Variants in PTPRM observed in about 807,000 individuals in gnomAD.
The protein encoded by PTPRM is receptor-type tyrosine-protein phosphatase mu.
Under a neutral mutation model 186.7 loss-of-function variants are expected in PTPRM, and 47 were observed. The observed-to-expected ratio is 0.25, with a 90% CI of 0.20 to 0.32. PTPRM has a LOEUF of 0.32. PTPRM is among the 10% of genes least tolerant of loss of function. PTPRM has a pLI of 1.00. For missense variants in PTPRM, 1,494 were observed against 1,865.0 expected (o/e 0.80, Z 3.66); for synonymous variants, 668 against 674.9 (o/e 0.99, Z 0.16).
intron 7 of PTPRM, among the ~76,000 whole-genome samples, chr18:7,957,249 GTA>G (rs1220727571): frequency 6.6e-6 from 1 of 150,756 alleles, no homozygotes; most frequent in Non-Finnish European, 1.5e-5. Context: ...ACACATTGCT[GTA>G]TATATATCCA....
At chr18:8,164,145 A>G (rs2093279439) in intron 14 of PTPRM, among the ~76,000 whole-genome samples, 1 of 152,232 alleles carries the variant, frequency 6.6e-6, no homozygotes, top group Non-Finnish European at 1.5e-5. Context: ...TTAGTATCAT[A>G]AGTTGACCTC....
chr18:7,664,895 G>A lies in PTPRM; in HGVS notation c.73+97004G>A, dbSNP rs550725758. 4.6e-5 allele frequency among the ~76,000 whole-genome samples: 7 copies of A among 152,328 alleles called. 1 individual carries two copies. In the East Asian group the frequency reaches 7.7e-4, roughly 17 times the overall value. ...GATGTGAGATGTCATTAACTGTGATGTAGAAGTTTGTGGGGGAAAACAGGT... is the reference window on the plus strand; with the variant it reads ...GATGTGAGATGTCATTAACTGTGATATAGAAGTTTGTGGGGGAAAACAGGT... On this transcript the variant is annotated intron_variant, in intron 1 of 32. Transcript: ENST00000580170.
At chr18:8,178,789 A>AAAT (rs1312095293) in intron 14 of PTPRM, among the ~76,000 whole-genome samples, 1 of 146,438 alleles carries the variant, frequency 6.8e-6, no homozygotes, top group Non-Finnish European at 1.5e-5. Flanking sequence ...TCCGTCTCAA[A>AAAT]AATAATAATA....
chr18:7,680,316 C>T (rs1039031691), intron 1 of PTPRM, among the ~76,000 whole-genome samples: 1 of 152,140 alleles, frequency 6.6e-6, no homozygotes, highest in Non-Finnish European at 1.5e-5. Context: ...GTGTGAATGG[C>T]GTCTCTGTCC....
At chr18:7,825,312 G>A (rs914312744) in intron 2 of PTPRM, among the ~76,000 whole-genome samples, 1 of 152,100 alleles carries the variant, frequency 6.6e-6, no homozygotes, top group Non-Finnish European at 1.5e-5. Context: ...TAGGTACCAT[G>A]CAGAGGACTA....
intron 1 of PTPRM, among the ~76,000 whole-genome samples, chr18:7,680,702 A>G (rs2039461187): frequency 6.6e-6 from 1 of 152,166 alleles, no homozygotes; most frequent in Non-Finnish European, 1.5e-5. Context: ...GGAAAAAGAA[A>G]AAGAAAAAGA....
chr18:8,390,225 G>C (rs2095802380), intron 31 of PTPRM, among the ~76,000 whole-genome samples: 1 of 152,220 alleles, frequency 6.6e-6, no homozygotes, highest in African/African-American at 2.4e-5. Flanking sequence ...TGCAGTGGGT[G>C]GGGAAGACTG....
chr18:7,962,961 G>A (rs1046280036), intron 7 of PTPRM, among the ~76,000 whole-genome samples: 1 of 152,230 alleles, frequency 6.6e-6, no homozygotes, highest in Non-Finnish European at 1.5e-5. Flanking sequence ...ACCTAATTGA[G>A]TGGAGCATAA....
At chr18:8,366,955 GAC>G (rs2095633509) in intron 23 of PTPRM, 1 of 152,312 alleles carries the variant, frequency 6.6e-6, no homozygotes, top group African/African-American at 2.4e-5. Flanking sequence ...TCAGAGCAGG[GAC>G]GCCTCCCGTT....
chr18:8,178,767 A>G (rs1257116509), intron 14 of PTPRM, among the ~76,000 whole-genome samples: 1 of 152,086 alleles, frequency 6.6e-6, no homozygotes, highest in Non-Finnish European at 1.5e-5. Flanking sequence ...AGCCTGGGCA[A>G]CAGATCAAGA....
chr18:7,892,727 T>A (rs2146400976), intron 3 of PTPRM, among the ~76,000 whole-genome samples: 1 of 152,310 alleles, frequency 6.6e-6, no homozygotes, highest in Non-Finnish European at 1.5e-5. Flanking sequence ...TTCTCACATT[T>A]CTAGTTTGAG....
chr18:7,761,903 T>C (rs940365071), intron 1 of PTPRM, among the ~76,000 whole-genome samples: 4 of 152,054 alleles, frequency 2.6e-5, no homozygotes, highest in African/African-American at 9.7e-5. Flanking sequence ...GTAGCCAGAG[T>C]GTTCAGTGAA....
chr18:7,921,604 A>G (rs143970854), intron 4 of PTPRM, among the ~76,000 whole-genome samples: 7 of 151,494 alleles, frequency 4.6e-5, no homozygotes, highest in East Asian at 3.9e-4. Context: ...ATGGTCTCTA[A>G]CTCCTGGCCT....
At chr18:7,768,578 G>C (rs1314703895) in intron 1 of PTPRM, among the ~76,000 whole-genome samples, 2 of 152,020 alleles carry the variant, frequency 1.3e-5, no homozygotes, top group South Asian at 4.1e-4. Context: ...TGGAGTAAAT[G>C]TGCAAACTTA....
At chr18:7,706,201 G>T (rs1057036546) in intron 1 of PTPRM, among the ~76,000 whole-genome samples, 2 of 151,654 alleles carry the variant, frequency 1.3e-5, no homozygotes, top group African/African-American at 4.8e-5. Flanking sequence ...TTTGTTACAC[G>T]CATGAGAGTG....
Position 7,986,946 on chromosome 18 carries a change from A to G in PTPRM, c.1132+31532A>G, listed in dbSNP as rs139300249. Reference sequence around the variant, plus strand: ...AAGACCATGGGAGGACACAGGGAGAACACATCAGCAAGCCAAGGAGACAGA... The same window carrying G: ...AAGACCATGGGAGGACACAGGGAGAGCACATCAGCAAGCCAAGGAGACAGA... On this transcript the variant is annotated intron_variant, in intron 7 of 32. Transcript: ENST00000580170. Among the ~76,000 whole-genome samples the G allele has an allele frequency of 3.6e-3, 555 of 152,324 alleles. 3 individuals are homozygous for G. Among genetic ancestry groups the G allele is most frequent in the Non-Finnish European group, 6.3e-3 (427 of 68,018 alleles).
intron 14 of PTPRM, among the ~76,000 whole-genome samples, chr18:8,208,309 G>C (rs774222089): frequency 5.3e-5 from 8 of 152,224 alleles, no homozygotes; most frequent in Admixed American, 1.3e-4. Flanking sequence ...AATTCCACAT[G>C]AGCAGCTGTG....
At chr18:8,305,900 AT>A (rs113326579) in intron 20 of PTPRM, among the ~76,000 whole-genome samples, 27,197 of 143,736 alleles carry the variant, frequency 0.19, 3,056 homozygotes, top group African/African-American at 0.31. Flanking sequence ...AAAAGGGGTA[AT>A]TTTTTTTTTT....
chr18:8,244,395 T>C (rs2094458875), intron 15 of PTPRM, among the ~76,000 whole-genome samples, 186 bp downstream of exon 15: 1 of 152,094 alleles, frequency 6.6e-6, no homozygotes, highest in Non-Finnish European at 1.5e-5. Context: ...CTAAAGGTGA[T>C]AGGACCAGAT....
Sources: allele counts gnomAD v4.1 joint callset (sites outside exome capture counted in the v4.1 genomes callset), GRCh38; gene constraint gnomAD v4.1.1; transcripts MANE v1.5; gene names NCBI Gene and HGNC (gene_info 2026-07-23, HGNC 2026-07-21).